SEZ6L: variants seen among roughly 807,000 people sequenced by gnomAD.
The protein encoded by SEZ6L is seizure related 6 homolog like.
SEZ6L carries 37 observed loss-of-function variants against 106.2 expected under a neutral mutation model. The observed-to-expected ratio is 0.35, with a 90% CI of 0.27 to 0.46. The LOEUF is 0.46. Ranked by LOEUF, SEZ6L falls within the 20% of genes least tolerant of loss-of-function variation. SEZ6L has a pLI of 1.00. For missense variants in SEZ6L, 1,172 were observed against 1,332.8 expected (o/e 0.88, Z 1.88); for synonymous variants, 541 against 570.4 (o/e 0.95, Z 0.73).
chr22:26,272,716 T>G (rs2080408099), intron 1 of SEZ6L, among the ~76,000 whole-genome samples: 1 of 152,204 alleles, frequency 6.6e-6, no homozygotes, highest in Admixed American at 6.5e-5. Flanking sequence ...AGGGTATGGA[T>G]GAATGAATGA....
At chr22:26,261,027 T>A (rs1307622552) in intron 1 of SEZ6L, among the ~76,000 whole-genome samples, 2 of 152,258 alleles carry the variant, frequency 1.3e-5, no homozygotes, top group African/African-American at 4.8e-5. Flanking sequence ...CATTTGTATA[T>A]CTTCTTTTGA....
At chr22:26,173,287 G>T (rs1257576704) in intron 1 of SEZ6L, among the ~76,000 whole-genome samples, 1 of 152,186 alleles carries the variant, frequency 6.6e-6, no homozygotes, top group Admixed American at 6.5e-5. Context: ...AAATCTCTGC[G>T]ATTGGCATGA....
intron 10 of SEZ6L, among the ~76,000 whole-genome samples, chr22:26,341,030 A>T (rs767485984): frequency 1.3e-5 from 2 of 151,198 alleles, no homozygotes; most frequent in African/African-American, 2.4e-5. Context: ...TCTTACATCA[A>T]CATACTTCCT....
At chr22:26,354,297 C>G (rs1401644915) in intron 12 of SEZ6L, among the ~76,000 whole-genome samples, 1 of 152,146 alleles carries the variant, frequency 6.6e-6, no homozygotes, top group Non-Finnish European at 1.5e-5. Flanking sequence ...AATCTGGACA[C>G]AGATGGGGAC....
chr22:26,211,854 T>TA (rs1232629247), intron 1 of SEZ6L, among the ~76,000 whole-genome samples: 1 of 121,754 alleles, frequency 8.2e-6, no homozygotes, highest in African/African-American at 3.1e-5. Context: ...AAATAAAAAT[T>TA]AAAAAAATTA....
chr22:26,266,387 C>T (rs1288919250), intron 1 of SEZ6L, among the ~76,000 whole-genome samples: 33 of 148,952 alleles, frequency 2.2e-4, no homozygotes, highest in African/African-American at 7.2e-4. Flanking sequence ...AGTGAAACCC[C>T]GTCTCTACTA....
chr22:26,337,993 A>G (rs1054403093), intron 9 of SEZ6L, among the ~76,000 whole-genome samples: 4 of 152,142 alleles, frequency 2.6e-5, no homozygotes, highest in African/African-American at 9.7e-5. Flanking sequence ...AAACACCAAC[A>G]TGGGTAGTTG....
intron 1 of SEZ6L, among the ~76,000 whole-genome samples, chr22:26,178,939 T>C (rs1207613375): frequency 6.6e-6 from 1 of 152,162 alleles, no homozygotes; most frequent in East Asian, 1.9e-4. Context: ...ATTTTTGTGG[T>C]ATAGTGCTAT....
chr22:26,317,321 C>G (rs1420907160), intron 9 of SEZ6L, among the ~76,000 whole-genome samples: 1 of 151,982 alleles, frequency 6.6e-6, no homozygotes, highest in Admixed American at 6.6e-5. Context: ...TGTCTTCAGC[C>G]AAGAGAAGGT....
At chr22:26,362,830 T>G (rs557515047) in intron 12 of SEZ6L, among the ~76,000 whole-genome samples, 1 of 152,198 alleles carries the variant, frequency 6.6e-6, no homozygotes, top group Non-Finnish European at 1.5e-5. Flanking sequence ...AGACTGCTAT[T>G]GAAGTATAAA....
chr22:26,311,448 CA>C (rs2081827274), intron 7 of SEZ6L, among the ~76,000 whole-genome samples: 2 of 152,122 alleles, frequency 1.3e-5, no homozygotes, highest in African/African-American at 2.4e-5. Flanking sequence ...TTTCCAGTGG[CA>C]AAAAGTCAGG....
intron 1 of SEZ6L, among the ~76,000 whole-genome samples, chr22:26,170,307 G>A (rs1938497757): frequency 6.6e-6 from 1 of 152,074 alleles, no homozygotes; most frequent in South Asian, 2.1e-4. Context: ...TCAGCCAAGC[G>A]TCAGGATACC....
intron 1 of SEZ6L, among the ~76,000 whole-genome samples, chr22:26,270,463 G>GGTGGGTGTGTGT (rs1556295171): frequency 2.1e-5 from 3 of 146,264 alleles, no homozygotes; most frequent in Non-Finnish European, 3.0e-5. Flanking sequence ...AATTGTGAGG[G>GGTGGGTGTGTGT]GTGTGTGTGT....
intron 1 of SEZ6L, among the ~76,000 whole-genome samples, chr22:26,210,257 C>CAAAGCAACAATA (rs2078119288): frequency 6.6e-6 from 1 of 152,054 alleles, no homozygotes; most frequent in Non-Finnish European, 1.5e-5. Flanking sequence ...GGGGGAAAGA[C>CAAAGCAACAATA]AAAGCAACAA....
intron 11 of SEZ6L, 145 bp from the exon 12 acceptor site, chr22:26,350,907 C>T (rs554071835): frequency 3.0e-5 from 20 of 668,716 alleles, no homozygotes; most frequent in East Asian, 2.7e-4. Flanking sequence ...CCACCCGCCT[C>T]GGCCTCCCAA....
At chr22:26,261,340 T>C (rs1339596803) in intron 1 of SEZ6L, among the ~76,000 whole-genome samples, 1 of 152,224 alleles carries the variant, frequency 6.6e-6, no homozygotes, top group African/African-American at 2.4e-5. Flanking sequence ...ATTCGATGTA[T>C]CTTCTAGAAG....
intron 1 of SEZ6L, among the ~76,000 whole-genome samples, chr22:26,170,392 A>G (rs1452446090): frequency 2.0e-5 from 3 of 152,032 alleles, no homozygotes; most frequent in African/African-American, 7.2e-5. Context: ...GGGAGGGAGA[A>G]GAGATGTTAG....
Position 26,377,736 on chromosome 22 carries a change from C to T in SEZ6L, c.3006C>T (p.Thr1002=), listed in dbSNP as rs564700371. ...ACTCCCACCCCTACAGCCAGATCAC[C>T]GTGGAAACCGAGTTTGACAACCCCA... ...LMYSHPYSQI[T]VETEFDNPIY... is the part of the protein sequence containing the mutation. Residue 1002 remains threonine (T), a synonymous_variant, in exon 16 of 17, where the codon ACC becomes ACT. Transcript: ENST00000248933. 17 of 1,614,032 alleles carry T rather than the reference C, an allele frequency of 1.1e-5. No individual in the cohort carries two copies. The highest frequency in any genetic ancestry group is 6.7e-5 in the African/African-American group (5 of 75,030).
intron 1 of SEZ6L, among the ~76,000 whole-genome samples, chr22:26,186,867 G>A (rs1264485541): frequency 1.3e-5 from 2 of 152,150 alleles, no homozygotes; most frequent in African/African-American, 4.8e-5. Context: ...TTTATTCTCA[G>A]CTGTGCTTAG....
Sources: allele counts gnomAD v4.1 joint callset (sites outside exome capture counted in the v4.1 genomes callset), GRCh38; gene constraint gnomAD v4.1.1; transcripts MANE v1.5; gene names NCBI Gene and HGNC (gene_info 2026-07-23, HGNC 2026-07-21).